Variants in DYDC2 observed in about 807,000 individuals in gnomAD.
The protein encoded by DYDC2 is DPY30 domain-containing protein 2.
In DYDC2, 19 loss-of-function variants were observed where a neutral mutation model predicts 18.7. The ratio of observed to expected loss-of-function variants is 1.02; its 90% CI spans 0.71 to 1.49. The LOEUF (loss-of-function observed/expected upper bound fraction) is 1.49, where lower values mean the gene tolerates loss of function less well. Among genes scored for constraint, DYDC2 ranks in the 40% most tolerant of loss-of-function variants. The pLI is 0.00. For missense variants in DYDC2, 179 were observed against 205.1 expected (o/e 0.87, Z 0.78); for synonymous variants, 63 against 67.6 (o/e 0.93, Z 0.34).
chr10:80,366,747 C>G lies in DYDC2; in HGVS notation c.330C>G (p.Asn110Lys), dbSNP rs377136921. Residue 110 changes from asparagine to lysine, a missense_variant, in exon 5 of 5, where the codon AAC (asparagine) becomes AAG (lysine). Transcript: ENST00000256039. ...CCATATTCATGCAGGAGGACACAAA[C>G]CCCCTTGAGAAGGAGGCCTTGAAGC... is the stretch of plus-strand genomic sequence containing the variant. ...KKTIFMQEDT[N>K]PLEKEALKQE... 1.9e-6 allele frequency: 3 copies of G among 1,614,108 alleles called. No individual in the cohort carries two copies. The Admixed American group carries it at 5.0e-5, about 27-fold the overall frequency.
At chr10:80,356,406 G>C (rs1040166589), upstream of DYDC2, 1 of 985,472 alleles carries the variant, frequency 1.0e-6, no homozygotes, top group Non-Finnish European at 1.2e-6. Flanking sequence ...GGGGGCACCC[G>C]GGCAGGGGTG....
chr10:80,356,734 C>G (rs951576061), upstream of DYDC2: 1 of 985,430 alleles, frequency 1.0e-6, no homozygotes, highest in African/African-American at 1.7e-5. Context: ...GCCTGCTCGC[C>G]ACCCAGGAGC....
chr10:80,353,811 T>A (rs886234192), upstream of DYDC2, among the ~76,000 whole-genome samples: 1 of 152,098 alleles, frequency 6.6e-6, no homozygotes, highest in Non-Finnish European at 1.5e-5. Flanking sequence ...TTACTTGGCA[T>A]CAAGTAAACT....
Position 80,350,375 on chromosome 10 carries a change from T to C in DYDC2, c.-310+5560T>C, listed in dbSNP as rs534680516. 7.2e-5 allele frequency among the ~76,000 whole-genome samples: 11 copies of C among 152,318 alleles called. No individual in the cohort carries two copies. In the East Asian group the frequency reaches 1.9e-3, roughly 27 times the overall value. ...GGAAGGAGAACCTCTGGGAATTCTC[T>C]TATTTTTGATAGACAGGAACAGATA... On this transcript the variant is annotated intron_variant, in intron 1 of 4. Transcript: ENST00000372197.
chr10:80,366,163 G>T (rs1295457204), intron 4 of DYDC2, among the ~76,000 whole-genome samples: 1 of 147,722 alleles, frequency 6.8e-6, no homozygotes, highest in South Asian at 2.2e-4. Flanking sequence ...CTCCCAAGTA[G>T]CTGGGATTAC....
chr10:80,346,610 G>A (rs534568188), intron 1 of DYDC2, among the ~76,000 whole-genome samples: 41 of 151,418 alleles, frequency 2.7e-4, no homozygotes, highest in South Asian at 1.3e-3. Context: ...ACAGGCGCCC[G>A]CCACCACGCC....
At position 80,366,841 on chromosome 10, in the gene DYDC2, G is replaced by T. The variant is rs770721529; in HGVS notation, c.424G>T (p.Ala142Ser). The T allele has an allele frequency of 6.2e-7, 1 of 1,614,166 alleles. No individual in the cohort carries two copies. Among genetic ancestry groups the T allele is most frequent in the Non-Finnish European group, 8.5e-7 (1 of 1,180,030 alleles). ...TCAACAGGTTCCTCCTTCAGAGTCT[G>T]CTGGCCAGATTGACCAGAACTTCAA... ...MPQQVPPSES[A>S]GQIDQNFKMP... is the part of the protein sequence containing the mutation. Residue 142 changes from alanine (A) to serine (S), a missense_variant, in exon 5 of 5, where the codon GCT becomes TCT. By Grantham distance (99) the Ala-to-Ser change is moderately conservative. Coordinates refer to ENST00000256039, the MANE Select transcript of DYDC2 (RefSeq NM_032372.6).
chr10:80,365,060 G>C (rs1589535550), intron 4 of DYDC2, among the ~76,000 whole-genome samples: 2 of 152,268 alleles, frequency 1.3e-5, no homozygotes. Context: ...ACTGGCCCAG[G>C]ATGGGTTGCA....
At chr10:80,357,543 C>T (rs1021208662) in intron 1 of DYDC2, among the ~76,000 whole-genome samples, 4 of 152,148 alleles carry the variant, frequency 2.6e-5, no homozygotes, top group African/African-American at 9.7e-5. Context: ...GGAAGACCGT[C>T]ACTGCAAGCT....
chr10:80,347,621 A>T (rs1842748898), intron 1 of DYDC2, among the ~76,000 whole-genome samples: 1 of 152,064 alleles, frequency 6.6e-6, no homozygotes, highest in African/African-American at 2.4e-5. Context: ...TTTTGAACTG[A>T]TTTTTGTGTA....
chr10:80,358,647 T>C (rs941518786), intron 2 of DYDC2, among the ~76,000 whole-genome samples: 3 of 152,170 alleles, frequency 2.0e-5, no homozygotes, highest in Non-Finnish European at 4.4e-5. Flanking sequence ...TCTACAGTGA[T>C]CCAGGCAAAG....
intron 4 of DYDC2, 36 bp from the exon 5 acceptor site, chr10:80,366,652 A>G: frequency 6.4e-7 from 1 of 1,566,822 alleles, no homozygotes; most frequent in Non-Finnish European, 8.6e-7. Context: ...TTTAGTCTCT[A>G]ATAATAAGTT....
chr10:80,361,858 T>C (rs79955342), intron 2 of DYDC2, among the ~76,000 whole-genome samples: 2,545 of 152,304 alleles, frequency 0.017, 76 homozygotes, highest in African/African-American at 0.058. Flanking sequence ...TCGTTAGGCT[T>C]GTCCTGCCCC....
chr10:80,357,076 G>T (rs1264188852), intron 1 of DYDC2, among the ~76,000 whole-genome samples: 1 of 144,518 alleles, frequency 6.9e-6, no homozygotes, highest in East Asian at 2.1e-4. Context: ...GCGCGCCAGG[G>T]GAGGGGGCCA....
At chr10:80,356,052 G>C (rs1461990349), upstream of DYDC2, among the ~76,000 whole-genome samples, 1 of 151,694 alleles carries the variant, frequency 6.6e-6, no homozygotes, top group Non-Finnish European at 1.5e-5. Flanking sequence ...AATGTGGGAA[G>C]GGAGGAAGGG....
chr10:80,358,972 T>C (rs1450876969), intron 2 of DYDC2, among the ~76,000 whole-genome samples: 1 of 152,232 alleles, frequency 6.6e-6, no homozygotes, highest in Non-Finnish European at 1.5e-5. Context: ...ATAAAGGCAG[T>C]GCAGACCCAA....
At chr10:80,349,578 CACT>C (rs1842867657) in intron 1 of DYDC2, among the ~76,000 whole-genome samples, 1 of 152,124 alleles carries the variant, frequency 6.6e-6, no homozygotes, top group African/African-American at 2.4e-5. Flanking sequence ...CCTATATTAT[CACT>C]ACTAAGATAA....
rs1843690573 is a variant in DYDC2, at chr10:80,362,452, T to C, written c.9T>C (p.Thr3=). The change falls in exon 3 of 5, where the codon ACT becomes ACC. Residue 3 remains threonine, a synonymous_variant. Transcript: ENST00000256039. ME[T]NYLKRCFGNC... ...TTTTCCAGGCTGCCAGGATGGAAAC[T>C]AACTACCTGAAGAGGTGCTTTGGAA... The C allele has an allele frequency of 6.2e-7, 1 of 1,613,004 alleles. No individual in the cohort carries two copies. The highest frequency in any genetic ancestry group is 1.3e-5 in the African/African-American group (1 of 74,912).
rs1842859804 is a variant in DYDC2, at chr10:80,349,474, T to C, written c.-310+4659T>C. Among the ~76,000 whole-genome samples the C allele has an allele frequency of 2.0e-5, 3 of 152,182 alleles. No individual in the cohort carries two copies. In the South Asian group the frequency reaches 6.2e-4, roughly 32 times the overall value. On this transcript the variant is annotated intron_variant, in intron 1 of 4. Transcript: ENST00000372197. Reference sequence around the variant, plus strand: ...GCATAAAATGTCTACTATCTGACAATGCATTCTAAAATAATAAATTTTTAC... The same window carrying C: ...GCATAAAATGTCTACTATCTGACAACGCATTCTAAAATAATAAATTTTTAC...
Sources: allele counts gnomAD v4.1 joint callset (sites outside exome capture counted in the v4.1 genomes callset), GRCh38; gene constraint gnomAD v4.1.1; transcripts MANE v1.5; gene names NCBI Gene and HGNC (gene_info 2026-07-23, HGNC 2026-07-21).